Variants in GMPR observed in about 807,000 individuals in gnomAD.
GMPR encodes the protein GMP reductase 1.
A neutral mutation model predicts 38.4 loss-of-function variants in GMPR; 31 were observed. The observed-to-expected ratio is 0.81, with a 90% confidence interval of 0.61 to 1.09. The LOEUF (loss-of-function observed/expected upper bound fraction) is 1.09, where lower values mean the gene tolerates loss of function less well. GMPR is among the 50% of genes least tolerant of loss of function. GMPR has a pLI of 0.00. For synonymous variants in GMPR, 162 were observed against 173.3 expected, an observed-to-expected ratio of 0.93 and a Z score of 0.51; for missense variants, 468 against 453.7, an observed-to-expected ratio of 1.03 and a Z score of -0.29.
In GMPR at chr6:16,290,172, A is replaced by C. The variant is rs530336694; in HGVS notation, c.698-290A>C. 7.5e-5 allele frequency: 23 copies of C among 307,532 alleles called. No homozygotes were observed. The South Asian group carries it at 1.3e-3, about 18-fold the overall frequency. 19.1% of individuals were successfully genotyped at this position (307,532 alleles called of 1,614,324 possible). A position where few individuals can be genotyped will look rare whatever the true frequency, so the allele number is the denominator to read the frequency against. The stretch of plus-strand genomic sequence containing the variant: ...GATTCTAAGAGAGTTAGATCTGAGG[A>C]AGGTGGTCGTAGTTAGCCATTAAAA... On this transcript the variant is annotated intron_variant, in intron 7 of 8. Coordinates refer to ENST00000259727, the MANE Select transcript of GMPR (RefSeq NM_006877.4).
chr6:16,274,106 G>C (rs1225348198), intron 4 of GMPR, among the ~76,000 whole-genome samples: 1 of 152,266 alleles, frequency 6.6e-6, no homozygotes, highest in East Asian at 1.9e-4. Context: ...GAGCCACCAA[G>C]CCCAGCCTCC....
intron 4 of GMPR, among the ~76,000 whole-genome samples, chr6:16,266,236 C>T (rs1383072753): frequency 6.6e-6 from 1 of 151,830 alleles, no homozygotes; most frequent in African/African-American, 2.4e-5. Flanking sequence ...GCCGCGCGCA[C>T]CACCTTTAAG....
At chr6:16,262,511 G>A (rs1333754681) in intron 4 of GMPR, 1 of 152,026 alleles carries the variant, frequency 6.6e-6, no homozygotes, top group Non-Finnish European at 1.5e-5. Context: ...CGGTTCAGGC[G>A]TTTGGAAGTT....
intron 4 of GMPR, among the ~76,000 whole-genome samples, chr6:16,265,886 C>T (rs750931226): frequency 6.6e-6 from 1 of 152,226 alleles, no homozygotes; most frequent in Admixed American, 6.5e-5. Context: ...CGTTTATGAG[C>T]TGTAACACTT....
chr6:16,254,482 A>C (rs897169242), intron 3 of GMPR, 80 bp from the exon 4 acceptor site: 1 of 1,223,174 alleles, frequency 8.2e-7, no homozygotes, highest in African/African-American at 1.5e-5. Context: ...ACTGTCCCAG[A>C]ATAGGTGCAT....
chr6:16,239,065 T>A (rs1367374626), intron 1 of GMPR, among the ~76,000 whole-genome samples: 1 of 151,806 alleles, frequency 6.6e-6, no homozygotes, highest in Admixed American at 6.6e-5. Context: ...CAGTGGCCAG[T>A]TGGTTTAGAA....
intron 7 of GMPR, among the ~76,000 whole-genome samples, chr6:16,286,816 G>C (rs1413039286): frequency 2.6e-5 from 4 of 152,210 alleles, no homozygotes; most frequent in African/African-American, 9.6e-5. Context: ...CAAGGTGGGA[G>C]AATCGCTTGA....
At chr6:16,289,519 C>T (rs1470507037) in intron 7 of GMPR, 2 of 152,256 alleles carry the variant, frequency 1.3e-5, no homozygotes, top group Non-Finnish European at 1.5e-5. Context: ...AGACAGGCAG[C>T]TTCAGTACCT....
chr6:16,294,563 G>A (rs538194062), intron 8 of GMPR, among the ~76,000 whole-genome samples: 2 of 152,332 alleles, frequency 1.3e-5, no homozygotes, highest in Admixed American at 1.3e-4. Context: ...TGTTTCCAGG[G>A]GGGAATCGGC....
chr6:16,266,421 T>TG (rs1284455725), intron 4 of GMPR, among the ~76,000 whole-genome samples: 46 of 96,534 alleles, frequency 4.8e-4, no homozygotes, highest in African/African-American at 2.3e-3. Flanking sequence ...ACACTCACTG[T>TG]GAAAAAGGTG....
At chr6:16,238,902 C>G (rs1758590975) in intron 1 of GMPR, 122 bp downstream of exon 1, 2 of 377,638 alleles carry the variant, frequency 5.3e-6, no homozygotes, top group South Asian at 1.3e-4. Flanking sequence ...GACTGGGGCG[C>G]TGCGCCCCCG....
intron 7 of GMPR, among the ~76,000 whole-genome samples, chr6:16,288,874 T>C (rs1390669005): frequency 6.6e-6 from 1 of 151,980 alleles, no homozygotes; most frequent in Non-Finnish European, 1.5e-5. Flanking sequence ...ACACTCTGTA[T>C]CTAGCTAATC....
At chr6:16,283,014 C>G (rs937696199) in intron 6 of GMPR, among the ~76,000 whole-genome samples, 1 of 151,794 alleles carries the variant, frequency 6.6e-6, no homozygotes, top group Non-Finnish European at 1.5e-5. Flanking sequence ...TCACCATGTT[C>G]GCCAGGCTGG....
intron 8 of GMPR, among the ~76,000 whole-genome samples, chr6:16,293,487 C>T (rs1248748667): frequency 6.6e-6 from 1 of 152,198 alleles, no homozygotes; most frequent in East Asian, 1.9e-4. Context: ...CAAGGGTAGT[C>T]CTGCCTGTTC....
intron 4 of GMPR, among the ~76,000 whole-genome samples, chr6:16,266,670 G>T (rs923572408): frequency 6.6e-6 from 1 of 151,814 alleles, no homozygotes; most frequent in Non-Finnish European, 1.5e-5. Context: ...AATTAGCCGG[G>T]CGCAGTGGCG....
intron 4 of GMPR, among the ~76,000 whole-genome samples, chr6:16,267,962 T>C (rs1029993585): frequency 6.6e-6 from 1 of 152,142 alleles, no homozygotes; most frequent in East Asian, 1.9e-4. Context: ...TTTCTCAAGG[T>C]TCTGAGCCAC....
chr6:16,289,080 T>A (rs9350003), intron 7 of GMPR, among the ~76,000 whole-genome samples: 22,022 of 152,176 alleles, frequency 0.14, 2,540 homozygotes, highest in East Asian at 0.6. Context: ...TGATTTGTTG[T>A]TTCGCTCTTT....
rs1215986763 is a variant in GMPR at position 16,266,977 on chromosome 6, CA to C, written c.466-7437del. Among the ~76,000 whole-genome samples, 80 of 151,556 alleles carry C rather than the reference CA, an allele frequency of 5.3e-4. 2 individuals are homozygous for C. Among genetic ancestry groups the C allele is most frequent in the African/African-American group, 1.8e-3 (73 of 41,324 alleles). On this transcript the variant is annotated intron_variant, in intron 4 of 8. Transcript: ENST00000259727. ...CTGAAGTCGGCGTAGACCATGAACC[CA>C]CGAGGAGGAACGAACAACTCTGGGT...
chr6:16,278,528 A>T (rs899674985), intron 5 of GMPR, among the ~76,000 whole-genome samples: 1 of 152,124 alleles, frequency 6.6e-6, no homozygotes, highest in African/African-American at 2.4e-5. Context: ...TGACAGGTGC[A>T]TGGTAGAGGG....
Sources: allele counts gnomAD v4.1 joint callset (sites outside exome capture counted in the v4.1 genomes callset), GRCh38; gene constraint gnomAD v4.1.1; transcripts MANE v1.5; gene names NCBI Gene and HGNC (gene_info 2026-07-23, HGNC 2026-07-21).